Variants in FABP3 observed in about 807,000 individuals in gnomAD.
FABP3 encodes the protein fatty acid-binding protein, heart.
Under a neutral mutation model 13.4 loss-of-function variants are expected in FABP3, and 8 were observed. The ratio of observed to expected loss-of-function variants is 0.60; its 90% CI spans 0.35 to 1.07. The LOEUF is 1.07. Among genes scored for constraint, FABP3 ranks in the 50% least tolerant of loss-of-function variants. FABP3 has a pLI of 0.02. For synonymous variants in FABP3, 64 were observed against 60.0 expected, an observed-to-expected ratio of 1.07 and a Z score of -0.31; for missense variants, 135 against 164.7, an observed-to-expected ratio of 0.82 and a Z score of 0.99.
At chr1:31,364,236 G>A (rs1377305942), downstream of FABP3, 11 of 1,580,602 alleles carry the variant, frequency 7.0e-6, no homozygotes, top group Non-Finnish European at 9.4e-6. Flanking sequence ...AAGAAACCAG[G>A]AGCCTTGTGC....
At chr1:31,365,236 T>A (rs1474510410), downstream of FABP3, among the ~76,000 whole-genome samples, 13 of 152,116 alleles carry the variant, frequency 8.5e-5, no homozygotes, top group Admixed American at 8.5e-4. Context: ...TCTTGGCCAG[T>A]GGTCATTTTC....
At chr1:31,363,109 T>C (rs1268787877), downstream of FABP3, among the ~76,000 whole-genome samples, 1 of 152,204 alleles carries the variant, frequency 6.6e-6, no homozygotes, top group African/African-American at 2.4e-5. Context: ...TTGGTTCTTT[T>C]ACTTAACATG....
At chr1:31,368,017 T>G (rs1640142160) in intron 2 of FABP3, among the ~76,000 whole-genome samples, 1 of 152,226 alleles carries the variant, frequency 6.6e-6, no homozygotes, top group African/African-American at 2.4e-5. Context: ...ACACCTTTTC[T>G]TGGTCCACAT....
intron 1 of FABP3, among the ~76,000 whole-genome samples, chr1:31,372,319 T>G (rs1040301883): frequency 6.6e-6 from 1 of 152,140 alleles, no homozygotes; most frequent in Non-Finnish European, 1.5e-5. Flanking sequence ...CAGACAGTGA[T>G]GAAGGCCTGG....
intron 3 of FABP3, among the ~76,000 whole-genome samples, chr1:31,366,965 T>C (rs572858539): frequency 6.6e-6 from 1 of 152,252 alleles, no homozygotes; most frequent in East Asian, 1.9e-4. Context: ...TGGGATCAGA[T>C]TTGGCCCTGT....
intron 2 of FABP3, 111 bp downstream of exon 2, chr1:31,369,274 C>A: frequency 1.8e-6 from 2 of 1,122,952 alleles, no homozygotes; most frequent in Admixed American, 4.3e-5. Context: ...ATTTAAATTC[C>A]CCATGATAGT....
At chr1:31,372,886 A>T in intron 1 of FABP3, 56 bp downstream of exon 1, 2 of 1,505,490 alleles carry the variant, frequency 1.3e-6, no homozygotes, top group Non-Finnish European at 1.8e-6. Flanking sequence ...GCGTGGGGCT[A>T]GGCACGCCAC....
rs148410659 is a variant in FABP3 at position 31,368,003 on chromosome 1, T to A, written c.247-509A>T. Among the ~76,000 whole-genome samples the A allele has an allele frequency of 3.3e-3, 498 of 152,338 alleles. 2 individuals are homozygous for A. Among genetic ancestry groups the A allele is most frequent in the Non-Finnish European group, 5.8e-3 (394 of 68,020 alleles). ...GATAATTAGACTTCCTGCCCTGTAT[T>A]CCTACACCTTTTCTTGGTCCACATC... On this transcript the variant is annotated intron_variant, in intron 2 of 3. Coordinates refer to ENST00000373713, the MANE Select transcript of FABP3 (RefSeq NM_004102.5).
downstream of FABP3, chr1:31,363,916 G>A (rs943250668): frequency 1.2e-5 from 17 of 1,434,746 alleles, no homozygotes; most frequent in East Asian, 3.7e-4. Context: ...TCCCACCTCG[G>A]CTTCCCAAAG....
rs781506707 is a variant in FABP3 at position 31,365,883 on chromosome 1, A to G, written c.*3T>C. 4 of 1,613,814 alleles carry G rather than the reference A, an allele frequency of 2.5e-6. No homozygotes were observed. The African/African-American group carries it at 5.3e-5, about 22-fold the overall frequency. On this transcript the variant is annotated 3_prime_UTR_variant, in exon 4 of 4. Coordinates refer to ENST00000373713, the MANE Select transcript of FABP3 (RefSeq NM_004102.5). ...AGTAGTAGTCAGCAACAGTGCAGTC[A>G]GGTCATGCCTCTTTCTCATAAGTGC...
rs1012253989 is a variant in FABP3 at position 31,369,611 on chromosome 1, A to G, written c.74-54T>C. 5 of 1,558,552 alleles carry G rather than the reference A, an allele frequency of 3.2e-6. No individual in the cohort carries two copies. The Admixed American group carries it at 7.0e-5, about 22-fold the overall frequency. On this transcript the variant is annotated intron_variant, in intron 1 of 3. Transcript: ENST00000373713. ...ATGAGCTGGGGTAGAGAAGCAGTGT[A>G]CAAGAAACTCAATGAATAACTCTCA... is the stretch of plus-strand genomic sequence containing the variant.
downstream of FABP3, among the ~76,000 whole-genome samples, chr1:31,360,360 G>T (rs550440068): frequency 6.6e-6 from 1 of 152,336 alleles, no homozygotes; most frequent in Admixed American, 6.5e-5. Flanking sequence ...GTAGAGATGG[G>T]GTTTCTTCAT....
Position 31,368,396 on chromosome 1 carries a change from T to C in FABP3, c.247-902A>G, listed in dbSNP as rs1462611737. 4.6e-5 allele frequency among the ~76,000 whole-genome samples: 7 copies of C among 152,152 alleles called. 1 individual carries two copies. The highest frequency in any genetic ancestry group is 1.7e-4 in the African/African-American group (7 of 41,430). On this transcript the variant is annotated intron_variant, in intron 2 of 3. Coordinates refer to ENST00000373713, the MANE Select transcript of FABP3 (RefSeq NM_004102.5). ...TTGCCCTAGGCATTCCACAGGGCTA[T>C]TGTGTTTAATTGGGGTTCTTGCCCC...
At chr1:31,367,328 C>T in intron 3 of FABP3, 65 bp downstream of exon 3, 2 of 1,369,990 alleles carry the variant, frequency 1.5e-6, no homozygotes, top group Non-Finnish European at 2.1e-6. Context: ...CTTTTTAGAA[C>T]AGGCTTGGCT....
intron 1 of FABP3, among the ~76,000 whole-genome samples, chr1:31,369,933 G>A (rs184899655): frequency 3.0e-4 from 45 of 152,036 alleles, no homozygotes; most frequent in East Asian, 3.9e-4. Context: ...GGTGAAACCC[G>A]TCTCTACTAA....
downstream of FABP3, among the ~76,000 whole-genome samples, chr1:31,360,701 C>G (rs1053444180): frequency 1.3e-5 from 2 of 152,182 alleles, no homozygotes; most frequent in Admixed American, 6.5e-5. Context: ...ATCTTCCCTC[C>G]TCCTGAGCCT....
In FABP3 at chr1:31,372,983, A is replaced by G. The variant is rs765192869; in HGVS notation, c.32T>C (p.Leu11Pro). The change falls in exon 1 of 4, where the codon CTA becomes CCA. Residue 11 changes from leucine to proline, a missense_variant. By Grantham distance (98) the Leu-to-Pro change is moderately conservative. Transcript: ENST00000373713. MVDAFLGTWK[L>P]VDSKNFDDYM... Reference sequence around the variant, plus strand: ...GTCATCGAAATTCTTGCTGTCCACTAGCTTCCAGGTGCCCAGGAAAGCGTC... The same window carrying G: ...GTCATCGAAATTCTTGCTGTCCACTGGCTTCCAGGTGCCCAGGAAAGCGTC... 1.2e-6 allele frequency: 2 copies of G among 1,613,916 alleles called. No homozygotes were observed. Among genetic ancestry groups the G allele is most frequent in the African/African-American group, 2.7e-5 (2 of 74,946 alleles).
chr1:31,363,707 A>G (rs1640018563), downstream of FABP3, among the ~76,000 whole-genome samples: 1 of 152,144 alleles, frequency 6.6e-6, no homozygotes, highest in African/African-American at 2.4e-5. Context: ...GCTTGAGCCC[A>G]AGAGGTTGAG....
chr1:31,369,541 G>A lies in FABP3; in HGVS notation c.90C>T (p.Thr30=). Residue 30 remains threonine, a synonymous_variant, in exon 2 of 4, where the codon ACC becomes ACT. Transcript: ENST00000373713. Reference sequence around the variant, plus strand: ...GCTTGGTCATGCTGGCCACCTGCCTGGTAGCAAAACCCACACCTGAGGGTA... The same window carrying A: ...GCTTGGTCATGCTGGCCACCTGCCTAGTAGCAAAACCCACACCTGAGGGTA... ...YMKSLGVGFA[T]RQVASMTKPT... The A allele has an allele frequency of 6.2e-7, 1 of 1,614,050 alleles. No homozygotes were observed. The highest frequency in any genetic ancestry group is 8.5e-7 in the Non-Finnish European group (1 of 1,179,976).
Sources: gnomAD v4.1 joint callset for allele counts (sites outside exome capture counted in the v4.1 genomes callset) on GRCh38, gnomAD v4.1.1 for gene constraint, MANE v1.5 for transcripts, NCBI Gene and HGNC (gene_info 2026-07-23, HGNC 2026-07-21) for gene names.